The following KCNMA1 variants were observed in gnomAD, a reference collection of about 807,000 sequenced individuals.
KCNMA1 encodes Calcium-activated potassium channel subunit alpha-1.
In KCNMA1, 29 loss-of-function variants were observed where a neutral mutation model predicts 140.0. The observed-to-expected ratio is 0.21, with a 90% CI of 0.15 to 0.28. KCNMA1 has a LOEUF of 0.28. KCNMA1 is among the 10% of genes least tolerant of loss of function. The pLI is 1.00. For missense variants in KCNMA1, 880 were observed against 1,602.2 expected, an observed-to-expected ratio of 0.55 and a Z score of 7.70; for synonymous variants, 612 against 611.9, an observed-to-expected ratio of 1.00 and a Z score of 0.00.
intron 1 of KCNMA1, among the ~76,000 whole-genome samples, chr10:77,482,137 C>T (rs1049801647): frequency 6.6e-6 from 1 of 152,152 alleles, no homozygotes; most frequent in African/African-American, 2.4e-5. Context: ...ATTTGATAGC[C>T]CTGTAGTTTA....
chr10:76,998,591 G>A (rs781543764), intron 19 of KCNMA1, among the ~76,000 whole-genome samples: 2 of 152,104 alleles, frequency 1.3e-5, no homozygotes, highest in Non-Finnish European at 2.9e-5. Flanking sequence ...AATCTGATCC[G>A]CCCATCTGAC....
At chr10:77,237,210 T>C (rs1173873730) in intron 3 of KCNMA1, among the ~76,000 whole-genome samples, 1 of 152,236 alleles carries the variant, frequency 6.6e-6, no homozygotes, top group African/African-American at 2.4e-5. Context: ...CTGGGCACTG[T>C]ACTAAGAGCC....
rs1269126804 is a variant in KCNMA1, at chr10:76,885,385, A to G, written c.*1881T>C. 2.0e-6 allele frequency: 2 copies of G among 985,076 alleles called. No homozygotes were observed. The highest frequency in any genetic ancestry group is 1.7e-5 in the African/African-American group (1 of 57,258). The allele number at this position is 985,076 out of a possible 1,614,324, so 61.0% of individuals were successfully genotyped here. A position where few individuals can be genotyped will look rare whatever the true frequency, so the allele number is the denominator to read the frequency against. ...CATGTATACAATTATTCCCCACCAC[A>G]ATACTGGTTTGAATACTACGCTGCC... On this transcript the variant is annotated 3_prime_UTR_variant, in exon 28 of 28. Coordinates refer to ENST00000286628, the MANE Select transcript of KCNMA1 (RefSeq NM_001161352.2).
intron 1 of KCNMA1, among the ~76,000 whole-genome samples, chr10:77,442,582 A>G (rs1323033607): frequency 6.6e-6 from 1 of 152,150 alleles, no homozygotes; most frequent in Non-Finnish European, 1.5e-5. Flanking sequence ...AATGGGCACA[A>G]TAACGATACT....
intron 1 of KCNMA1, chr10:77,636,996 C>A: frequency 7.1e-7 from 1 of 1,408,936 alleles, no homozygotes. Flanking sequence ...CAGCCGCAGC[C>A]GCCAACAACC....
At chr10:77,220,353 G>A (rs2049189911) in intron 3 of KCNMA1, among the ~76,000 whole-genome samples, 1 of 152,198 alleles carries the variant, frequency 6.6e-6, no homozygotes, top group Non-Finnish European at 1.5e-5. Context: ...AGAGCCACAG[G>A]GGCAGCCATG....
At chr10:76,950,755 G>A (rs1257078573) in intron 21 of KCNMA1, among the ~76,000 whole-genome samples, 1 of 152,214 alleles carries the variant, frequency 6.6e-6, no homozygotes, top group Non-Finnish European at 1.5e-5. Flanking sequence ...CCAAGGAGAG[G>A]AAGAAACTAG....
chr10:77,212,976 T>C (rs1352367547), intron 3 of KCNMA1, among the ~76,000 whole-genome samples: 7 of 152,218 alleles, frequency 4.6e-5, no homozygotes, highest in African/African-American at 1.7e-4. Context: ...TTTCTATTCT[T>C]ATTTTTGGGA....
intron 23 of KCNMA1, among the ~76,000 whole-genome samples, chr10:76,920,562 C>T (rs1017650628): frequency 6.6e-6 from 1 of 152,170 alleles, no homozygotes; most frequent in Non-Finnish European, 1.5e-5. Flanking sequence ...AGGGTTTTTT[C>T]ATGGGCCACC....
chr10:76,947,554 C>T lies in KCNMA1; in HGVS notation c.2709+1588G>A, dbSNP rs575055300. ...GGGGACTATGTGGAGGAGCACATGA[C>T]AGAAAGATAACCATGGAATCATATA... On this transcript the variant is annotated intron_variant, in intron 22 of 27. Transcript: ENST00000286628. 2.6e-5 allele frequency among the ~76,000 whole-genome samples: 4 copies of T among 152,292 alleles called. No homozygotes were observed. The South Asian group carries it at 8.3e-4, about 32-fold the overall frequency.
At chr10:77,135,370 G>T (rs1440123597) in intron 5 of KCNMA1, among the ~76,000 whole-genome samples, 1 of 152,132 alleles carries the variant, frequency 6.6e-6, no homozygotes, top group African/African-American at 2.4e-5. Context: ...TGGGAAAAAG[G>T]AACCCTTGCA....
intron 1 of KCNMA1, among the ~76,000 whole-genome samples, chr10:77,412,231 C>T (rs2096635699): frequency 6.6e-6 from 1 of 152,200 alleles, no homozygotes; most frequent in Non-Finnish European, 1.5e-5. Context: ...GAAGGAAGGG[C>T]CTCATGCCTC....
At chr10:77,452,332 A>G (rs2097678365) in intron 1 of KCNMA1, among the ~76,000 whole-genome samples, 1 of 152,028 alleles carries the variant, frequency 6.6e-6, no homozygotes, top group Non-Finnish European at 1.5e-5. Flanking sequence ...GGCCCAAAAC[A>G]TGGCTGACAT....
At chr10:77,404,095 A>AT in intron 1 of KCNMA1, 72 bp from the exon 2 acceptor site, 2 of 1,526,598 alleles carry the variant, frequency 1.3e-6, no homozygotes, top group Non-Finnish European at 1.8e-6. Context: ...ACCCATAAAG[A>AT]ACCAGAGCCA....
intron 23 of KCNMA1, among the ~76,000 whole-genome samples, chr10:76,941,015 A>AAAGAAAGAAAGAAAG (rs1565057791): frequency 1.8e-5 from 1 of 55,136 alleles, no homozygotes; most frequent in Admixed American, 1.9e-4. Flanking sequence ...GGAAGGAAGG[A>AAAGAAAGAAAGAAAG]AGGAAGAAAG....
At chr10:76,999,461 C>T (rs1031314843) in intron 19 of KCNMA1, among the ~76,000 whole-genome samples, 6 of 152,148 alleles carry the variant, frequency 3.9e-5, no homozygotes, top group African/African-American at 1.4e-4. Context: ...CTTGTGGTTA[C>T]TTTCACCACC....
At chr10:77,355,758 C>T (rs1251777364) in intron 2 of KCNMA1, among the ~76,000 whole-genome samples, 2 of 152,142 alleles carry the variant, frequency 1.3e-5, no homozygotes, top group African/African-American at 4.8e-5. Context: ...ATTATTTAAG[C>T]CTATTTGTGT....
At chr10:77,271,030 A>C (rs758104077) in intron 2 of KCNMA1, among the ~76,000 whole-genome samples, 5 of 152,214 alleles carry the variant, frequency 3.3e-5, no homozygotes, top group Non-Finnish European at 7.3e-5. Flanking sequence ...GAAATACTTC[A>C]TGCACCTGAC....
intron 13 of KCNMA1, among the ~76,000 whole-genome samples, chr10:77,077,329 T>A (rs1466201234): frequency 6.6e-6 from 1 of 152,224 alleles, no homozygotes; most frequent in African/African-American, 2.4e-5. Context: ...AAAACTCGAA[T>A]AGTTTGGGAT....
Sources: allele counts gnomAD v4.1 joint callset (sites outside exome capture counted in the v4.1 genomes callset), GRCh38; gene constraint gnomAD v4.1.1; transcripts MANE v1.5; gene names NCBI Gene and HGNC (gene_info 2026-07-23, HGNC 2026-07-21).